The following R3HDM1 variants were observed in gnomAD, a reference collection of about 807,000 sequenced individuals.
R3HDM1 encodes R3H domain-containing protein 1.
R3HDM1 carries 46 observed loss-of-function variants against 141.1 expected under a neutral mutation model. That is an observed-to-expected ratio of 0.33 (90% CI 0.26 to 0.42). The LOEUF (loss-of-function observed/expected upper bound fraction) is 0.42. Among genes scored for constraint, R3HDM1 ranks in the 10% least tolerant of loss-of-function variants. The pLI is 1.00. For missense variants in R3HDM1, 1,184 were observed against 1,368.3 expected (o/e 0.87, Z 2.12); for synonymous variants, 435 against 472.9 (o/e 0.92, Z 1.04).
chr2:135,615,773 T>C (rs2060970596), intron 3 of R3HDM1, among the ~76,000 whole-genome samples: 1 of 152,208 alleles, frequency 6.6e-6, no homozygotes, highest in Non-Finnish European at 1.5e-5. Flanking sequence ...CTGGTTTTTG[T>C]GTGTGTTCTT....
intron 23 of R3HDM1, among the ~76,000 whole-genome samples, chr2:135,711,668 A>C (rs1019423225): frequency 1.3e-5 from 2 of 151,602 alleles, no homozygotes; most frequent in African/African-American, 2.4e-5. Context: ...CTTTGAAAAA[A>C]AAAAAAAAAC....
intron 1 of R3HDM1, among the ~76,000 whole-genome samples, chr2:135,585,054 A>G (rs1374184560): frequency 1.3e-5 from 2 of 152,222 alleles, no homozygotes; most frequent in Non-Finnish European, 2.9e-5. Context: ...CTTGATTTTT[A>G]CCAGAAAGTT....
chr2:135,621,853 C>A (rs2061541216), intron 6 of R3HDM1: 1 of 980,602 alleles, frequency 1.0e-6, no homozygotes, highest in Non-Finnish European at 1.2e-6. Flanking sequence ...TCTTACTGGT[C>A]CCTCACTCAT....
chr2:135,601,964 CTTTTTTTTT>C (rs755867675), intron 1 of R3HDM1, among the ~76,000 whole-genome samples: 1 of 108,014 alleles, frequency 9.3e-6, no homozygotes, highest in Admixed American at 9.2e-5. Flanking sequence ...ACCCAGCCAA[CTTTTTTTTT>C]TTTTTTTTTT....
rs2063799408 is a variant in R3HDM1 at position 135,641,633 on chromosome 2, C to T, written c.1317C>T (p.Gly439=). Residue 439 remains glycine, a synonymous_variant, in exon 15 of 27, where the codon GGC becomes GGT. Transcript: ENST00000683871. ...CAGCTCTCAGCCAGTCTTCTCATGG[C>T]GCACCTGTCGTCTATCCAACTGTCA... ...PGTALSQSSH[G]APVVYPTVST... 4 of 1,614,038 alleles carry T rather than the reference C, an allele frequency of 2.5e-6. No individual in the cohort carries two copies. Among genetic ancestry groups the T allele is most frequent in the African/African-American group, 1.3e-5 (1 of 74,906 alleles).
intron 1 of R3HDM1, among the ~76,000 whole-genome samples, chr2:135,553,111 C>G (rs1461654145): frequency 6.6e-6 from 1 of 152,176 alleles, no homozygotes; most frequent in Non-Finnish European, 1.5e-5. Context: ...CTCAACTGAT[C>G]TACCTGCCTT....
chr2:135,556,521 C>CTT (rs767659497), intron 1 of R3HDM1, among the ~76,000 whole-genome samples: 2 of 141,254 alleles, frequency 1.4e-5, no homozygotes, highest in South Asian at 2.2e-4. Flanking sequence ...CTATGTCAGA[C>CTT]TTTTTTTTTT....
chr2:135,612,481 T>C (rs1410355408), intron 3 of R3HDM1, among the ~76,000 whole-genome samples: 1 of 152,220 alleles, frequency 6.6e-6, no homozygotes, highest in Non-Finnish European at 1.5e-5. Context: ...AGGATTGCTC[T>C]GTTTTTTTCA....
intron 6 of R3HDM1, chr2:135,622,003 T>G (rs1009044815): frequency 2.4e-5 from 24 of 983,968 alleles, no homozygotes; most frequent in Non-Finnish European, 2.7e-5. Flanking sequence ...GAGTGTTTAT[T>G]TTTTATAAGT....
At chr2:135,541,866 A>G (rs1228591125) in intron 1 of R3HDM1, among the ~76,000 whole-genome samples, 1 of 150,108 alleles carries the variant, frequency 6.7e-6, no homozygotes, top group Non-Finnish European at 1.5e-5. Context: ...AAAAAAAAAA[A>G]AAAAAGAAAG....
chr2:135,641,774 G>A lies in R3HDM1; in HGVS notation c.1458G>A (p.Leu486=), dbSNP rs768662404. The change falls in exon 15 of 27, where the codon CTG becomes CTA. Residue 486 remains leucine, a synonymous_variant. Coordinates refer to ENST00000683871, the MANE Select transcript of R3HDM1 (RefSeq NM_001378107.1). ...CAGGCATACCACCTGGCAGTATTCT[G>A]ATCAACCCACAAACAGGTTGGTATC... ...EAAGIPPGSI[L]INPQTGQPFI... 5 of 1,613,350 alleles carry A rather than the reference G, an allele frequency of 3.1e-6. No individual in the cohort carries two copies. The East Asian group carries it at 1.1e-4, about 36-fold the overall frequency.
intron 21 of R3HDM1, among the ~76,000 whole-genome samples, chr2:135,688,021 G>C (rs772193763): frequency 6.6e-6 from 1 of 152,056 alleles, no homozygotes; most frequent in Admixed American, 6.6e-5. Context: ...TTTTTCATTC[G>C]TGGACACGTT....
At chr2:135,532,292 A>G (rs1444499230) in intron 1 of R3HDM1, among the ~76,000 whole-genome samples, 1 of 152,272 alleles carries the variant, frequency 6.6e-6, no homozygotes, top group Admixed American at 6.5e-5. Flanking sequence ...CCCCGGGATC[A>G]GATTTACACA....
Position 135,692,498 on chromosome 2 carries a change from A to G in R3HDM1, c.2459+12174A>G, listed in dbSNP as rs550200398. The stretch of plus-strand genomic sequence containing the variant: ...TCTCAGCTACTCAGGAGGCTGAAGC[A>G]GGAGAATCGCTTGAACCCAGGAGGC... On this transcript the variant is annotated intron_variant, in intron 21 of 26. Coordinates refer to ENST00000683871, the MANE Select transcript of R3HDM1 (RefSeq NM_001378107.1). Among the ~76,000 whole-genome samples the G allele has an allele frequency of 3.3e-5, 5 of 152,276 alleles. No individual in the cohort carries two copies. In the South Asian group the frequency reaches 6.2e-4, roughly 19 times the overall value.
intron 1 of R3HDM1, chr2:135,583,866 TC>T: frequency 1.0e-6 from 1 of 985,444 alleles, no homozygotes; most frequent in Non-Finnish European, 1.2e-6. Context: ...CTGATGTTAG[TC>T]CCATAGTTGC....
At position 135,556,860 on chromosome 2, in the gene R3HDM1, G is replaced by GA. The variant is rs374882842; in HGVS notation, c.-250+25237dup. ...AGCAACACTTACTAGAATTCATATA[G>GA]AAAAAAAAAACTATTAAAATTCCTC... On this transcript the variant is annotated intron_variant, in intron 1 of 26. Coordinates refer to ENST00000683871, the MANE Select transcript of R3HDM1 (RefSeq NM_001378107.1). Among the ~76,000 whole-genome samples the GA allele has an allele frequency of 4.0e-3, 589 of 147,844 alleles. 5 individuals are homozygous for GA. The highest frequency in any genetic ancestry group is 0.011 in the African/African-American group (443 of 40,478).
intron 1 of R3HDM1, chr2:135,590,780 G>C: frequency 1.0e-6 from 1 of 954,374 alleles, no homozygotes; most frequent in Non-Finnish European, 1.2e-6. Flanking sequence ...TCCTTTTATA[G>C]AGTATGAAGG....
intron 9 of R3HDM1, among the ~76,000 whole-genome samples, chr2:135,634,390 C>T (rs1221958150): frequency 6.6e-6 from 1 of 152,154 alleles, no homozygotes; most frequent in Non-Finnish European, 1.5e-5. Context: ...CCTGTAATCC[C>T]AGCACTTTGG....
chr2:135,651,764 G>A lies in R3HDM1; in HGVS notation c.1760G>A (p.Ser587Asn). ...CTAGGGTCTCAGTTTAGCCACATGA[G>A]TCTTGCTCGCCAGCCATCTGCTGAT... ...DNLGSQFSHM[S>N]LARQPSADGS... The change falls in exon 18 of 27, where the codon AGT becomes AAT. Residue 587 changes from serine to asparagine, a missense_variant. Coordinates refer to ENST00000683871, the MANE Select transcript of R3HDM1 (RefSeq NM_001378107.1). The A allele has an allele frequency of 1.9e-6, 3 of 1,613,776 alleles. No individual in the cohort carries two copies. Among genetic ancestry groups the A allele is most frequent in the Non-Finnish European group, 2.5e-6 (3 of 1,179,806 alleles).
Sources: allele counts gnomAD v4.1 joint callset (sites outside exome capture counted in the v4.1 genomes callset), GRCh38; gene constraint gnomAD v4.1.1; transcripts MANE v1.5; gene names NCBI Gene and HGNC (gene_info 2026-07-23, HGNC 2026-07-21).